LAMA2: variants seen among roughly 807,000 people sequenced by gnomAD.
LAMA2 encodes laminin subunit alpha 2.
LAMA2 carries 269 observed loss-of-function variants against 364.8 expected under a neutral mutation model. The observed-to-expected ratio is 0.74, with a 90% CI of 0.67 to 0.82. LAMA2 has a LOEUF of 0.82. Ranked by LOEUF, LAMA2 falls within the 40% of genes least tolerant of loss-of-function variation. The pLI is 0.00. For synonymous variants in LAMA2, 1,379 were observed against 1,370.6 expected (o/e 1.01, Z -0.14); for missense variants, 3,807 against 3,873.2 (o/e 0.98, Z 0.45).
chr6:129,182,239 C>T (rs1024646261), intron 10 of LAMA2, among the ~76,000 whole-genome samples: 1 of 151,432 alleles, frequency 6.6e-6, no homozygotes, highest in African/African-American at 2.4e-5. Context: ...TGAGGATCAC[C>T]AAGTACCAGT....
intron 1 of LAMA2, chr6:128,929,096 C>G: frequency 6.9e-7 from 1 of 1,457,616 alleles, no homozygotes; most frequent in South Asian, 1.1e-5. Flanking sequence ...CACTGTGGAC[C>G]GCAGCAGCGT....
chr6:129,135,845 A>G (rs571796465), intron 4 of LAMA2, among the ~76,000 whole-genome samples: 1 of 152,340 alleles, frequency 6.6e-6, no homozygotes, highest in African/African-American at 2.4e-5. Context: ...AGCTCCCAAA[A>G]GAGATTGAGA....
intron 41 of LAMA2, among the ~76,000 whole-genome samples, chr6:129,438,197 T>G (rs1781929225): frequency 6.6e-6 from 1 of 151,824 alleles, no homozygotes; most frequent in Non-Finnish European, 1.5e-5. Context: ...CAAATATTAT[T>G]ATACTGAAGT....
intron 1 of LAMA2, among the ~76,000 whole-genome samples, chr6:128,892,637 T>C (rs1274235405): frequency 6.6e-6 from 1 of 151,976 alleles, no homozygotes; most frequent in Non-Finnish European, 1.5e-5. Context: ...TGTAAGTTAA[T>C]TTCAGCATGG....
rs527497477 is a variant in LAMA2 at position 129,451,774 on chromosome 6, T to G, written c.6430-1214T>G. On this transcript the variant is annotated intron_variant, in intron 45 of 64. Transcript: ENST00000421865. The stretch of plus-strand genomic sequence containing the variant: ...CCTTTGCAGTATACTTGCATGACCC[T>G]TGGAGAAGGGCCACAGTTCTGCCCA... Among the ~76,000 whole-genome samples, 11 of 152,276 alleles carry G rather than the reference T, an allele frequency of 7.2e-5. No individual in the cohort carries two copies. In the South Asian group the frequency reaches 2.3e-3, roughly 32 times the overall value.
intron 37 of LAMA2, among the ~76,000 whole-genome samples, chr6:129,395,991 T>C (rs975599529): frequency 2.0e-5 from 3 of 152,202 alleles, no homozygotes; most frequent in Admixed American, 6.5e-5. Context: ...GAGAATCGCA[T>C]TGTGAGACTA....
intron 12 of LAMA2, among the ~76,000 whole-genome samples, chr6:129,203,702 G>T (rs897565540): frequency 6.6e-6 from 1 of 152,124 alleles, no homozygotes; most frequent in Admixed American, 6.5e-5. Flanking sequence ...TCATATAAGC[G>T]GATGACCTGA....
chr6:129,318,042 T>A (rs1395137207), intron 27 of LAMA2, among the ~76,000 whole-genome samples: 1 of 152,172 alleles, frequency 6.6e-6, no homozygotes, highest in Non-Finnish European at 1.5e-5. Context: ...ACTGGGGTCA[T>A]AGTCTCACAA....
At position 129,439,585 on chromosome 6, in the gene LAMA2, T is replaced by C. The variant is rs535789434; in HGVS notation, c.6085+823T>C. ...TTCAAAAACATTAGTGGTCAAACCA[T>C]GTCTGTAATATCTTTCTACCTATTA... is the stretch of plus-strand genomic sequence containing the variant. On this transcript the variant is annotated intron_variant, in intron 42 of 64. Coordinates refer to ENST00000421865, the MANE Select transcript of LAMA2 (RefSeq NM_000426.4). 5.9e-5 allele frequency among the ~76,000 whole-genome samples: 9 copies of C among 152,192 alleles called. No individual in the cohort carries two copies. The South Asian group carries it at 1.9e-3, about 32-fold the overall frequency.
chr6:129,200,111 C>CGT (rs1562323497), intron 12 of LAMA2, among the ~76,000 whole-genome samples: 1 of 115,230 alleles, frequency 8.7e-6, no homozygotes, highest in African/African-American at 3.3e-5. Flanking sequence ...TATGTGTACA[C>CGT]GTATATATAT....
rs2114287398 is a variant in LAMA2 at position 129,252,206 on chromosome 6, C to T, written c.2007C>T (p.Val669=). 1 of 1,613,888 alleles carries T rather than the reference C, an allele frequency of 6.2e-7. No homozygotes were observed. The highest frequency in any genetic ancestry group is 1.6e-4 in the Middle Eastern group (1 of 6,062). The change falls in exon 14 of 65, where the codon GTC becomes GTT. Residue 669 remains valine, a synonymous_variant. Coordinates refer to ENST00000421865, the MANE Select transcript of LAMA2 (RefSeq NM_000426.4). ...SFTIHGTHFP[V]RRKEFMTVLA... ...CCATACATGGCACACATTTTCCAGT[C>T]CGTAGAAAGGAATTTATGACAGTGC...
chr6:129,175,397 T>C (rs550270433), intron 9 of LAMA2, among the ~76,000 whole-genome samples: 1 of 152,350 alleles, frequency 6.6e-6, no homozygotes, highest in African/African-American at 2.4e-5. Context: ...GTGTTTTGTG[T>C]AATGCTAAGT....
intron 29 of LAMA2, among the ~76,000 whole-genome samples, chr6:129,331,994 C>T (rs1775684441): frequency 6.6e-6 from 1 of 152,198 alleles, no homozygotes; most frequent in Non-Finnish European, 1.5e-5. Context: ...TCCTTCTCAG[C>T]TTTCTTCATT....
intron 1 of LAMA2, among the ~76,000 whole-genome samples, chr6:129,017,083 A>G (rs890773529): frequency 2.6e-5 from 4 of 151,994 alleles, no homozygotes; most frequent in African/African-American, 9.7e-5. Context: ...ATCGCAAACC[A>G]GAACTACATT....
chr6:129,173,486 T>G (rs1306161860), intron 9 of LAMA2, among the ~76,000 whole-genome samples: 2 of 152,232 alleles, frequency 1.3e-5, no homozygotes, highest in Non-Finnish European at 2.9e-5. Context: ...CTATCATCCC[T>G]ACATTCTTCA....
At chr6:129,115,990 A>G (rs1364670710) in intron 4 of LAMA2, among the ~76,000 whole-genome samples, 1 of 152,136 alleles carries the variant, frequency 6.6e-6, no homozygotes, top group Non-Finnish European at 1.5e-5. Flanking sequence ...GCAATTAGCA[A>G]TTTGGGATTT....
intron 12 of LAMA2, among the ~76,000 whole-genome samples, chr6:129,228,052 G>C (rs1784435683): frequency 6.6e-6 from 1 of 152,108 alleles, no homozygotes; most frequent in South Asian, 2.1e-4. Context: ...TCCCAACCTT[G>C]CTGCCACCTT....
intron 62 of LAMA2, among the ~76,000 whole-genome samples, chr6:129,509,443 G>A (rs1032408587): frequency 1.4e-4 from 21 of 151,998 alleles, no homozygotes; most frequent in African/African-American, 4.6e-4. Flanking sequence ...CAATGTCCTG[G>A]AGAATTTCCC....
At chr6:129,370,046 A>G in intron 34 of LAMA2, 56 bp downstream of exon 34, 1 of 1,401,744 alleles carries the variant, frequency 7.1e-7, no homozygotes, top group Non-Finnish European at 1.0e-6. Context: ...TCAATGAAGG[A>G]AAATTACTTC....
Sources: gnomAD v4.1 joint callset for allele counts (sites outside exome capture counted in the v4.1 genomes callset) on GRCh38, gnomAD v4.1.1 for gene constraint, MANE v1.5 for transcripts, NCBI Gene and HGNC (gene_info 2026-07-23, HGNC 2026-07-21) for gene names.